STAT5A: variants seen among roughly 807,000 people sequenced by gnomAD.
The protein encoded by STAT5A is signal transducer and activator of transcription 5A.
Under a neutral mutation model 100.2 loss-of-function variants are expected in STAT5A, and 26 were observed. The observed-to-expected ratio is 0.26, with a 90% CI of 0.19 to 0.36. The LOEUF (loss-of-function observed/expected upper bound fraction) is 0.36. Ranked by LOEUF, STAT5A falls within the 10% of genes least tolerant of loss-of-function variation. The pLI is 1.00. For synonymous variants in STAT5A, 330 were observed against 424.3 expected, an observed-to-expected ratio of 0.78 and a Z score of 2.73; for missense variants, 634 against 1,027.5, an observed-to-expected ratio of 0.62 and a Z score of 5.24.
At chr17:42,307,759 GC>G in intron 15 of STAT5A, 36 bp downstream of exon 15, 2 of 1,604,468 alleles carry the variant, frequency 1.2e-6, no homozygotes, top group Non-Finnish European at 1.7e-6. Flanking sequence ...CAGCCCCAAG[GC>G]CCGGTCTCTT....
chr17:42,299,695 G>C lies in STAT5A; in HGVS notation c.551-56G>C, dbSNP rs1295693490. 8.1e-6 allele frequency: 13 copies of C among 1,613,136 alleles called. No individual in the cohort carries two copies. In the Admixed American group the frequency reaches 2.0e-4, roughly 25 times the overall value. ...CAGAACAGGTGAGTGGGCTTCTCTA[G>C]GCCTCCTGTTGGACACTAGGAGGTG... On this transcript the variant is annotated intron_variant, in intron 5 of 18. Coordinates refer to ENST00000590949, the MANE Select transcript of STAT5A (RefSeq NM_001288718.2).
At chr17:42,306,083 G>C in intron 12 of STAT5A, 158 bp from the exon 13 acceptor site, 15 of 1,319,724 alleles carry the variant, frequency 1.1e-5, no homozygotes, top group Non-Finnish European at 1.6e-5. Flanking sequence ...GTGCAAGCTA[G>C]TATATAAAAG....
At chr17:42,306,481 C>A in intron 13 of STAT5A, 34 bp downstream of exon 13, 1 of 1,585,826 alleles carries the variant, frequency 6.3e-7, no homozygotes, top group Non-Finnish European at 8.6e-7. Context: ...CCCACCAGGG[C>A]CCACCGGGGT....
In STAT5A at chr17:42,301,445, A is replaced by T. The variant is rs752308916; in HGVS notation, c.1160A>T (p.Asn387Ile). Residue 387 changes from asparagine (N) to isoleucine (I), a missense_variant, in exon 9 of 19, where the codon AAC (asparagine) becomes ATC (isoleucine). Physicochemically the swap from Asn to Ile is moderately radical, Grantham distance 149 (BLOSUM62 -3). Transcript: ENST00000590949. ...GCCAAGTCTCTGCTTAAAAATGAGAACACCCGCAAGTAATTGTGCCTCTCC... is the reference window on the plus strand; with the variant it reads ...GCCAAGTCTCTGCTTAAAAATGAGATCACCCGCAAGTAATTGTGCCTCTCC... ...QQAKSLLKNE[N>I]TRNECSGEIL... 2.6e-5 allele frequency: 42 copies of T among 1,613,870 alleles called. No individual in the cohort carries two copies. The South Asian group carries it at 4.5e-4, about 17-fold the overall frequency.
In STAT5A at chr17:42,304,323, A is replaced by AC. The variant is rs757567852; in HGVS notation, c.1170-13dup. 5.0e-6 allele frequency: 8 copies of AC among 1,611,954 alleles called. No homozygotes were observed. In the South Asian group the frequency reaches 5.5e-5, roughly 11 times the overall value. ...GGCCTGGGGCCCATGTGGAGCTGGG[A>AC]CCCCCCTCTCCTTTGCAGCGAGTGC... On this transcript the variant is annotated intron_variant, in intron 9 of 18. Transcript: ENST00000590949. The surrounding 1 kb of genome is among the most constrained non-coding windows in gnomAD (Gnocchi z 4.8).
At position 42,301,469 on chromosome 17, in the gene STAT5A, C is replaced by T; in HGVS notation, c.1169+15C>T. ...AACACCCGCAAGTAATTGTGCCTCT[C>T]CCTTCCCCTGCCCAAGCTTAGGTGT... On this transcript the variant is annotated intron_variant, in intron 9 of 18. Coordinates refer to ENST00000590949, the MANE Select transcript of STAT5A (RefSeq NM_001288718.2). 2 of 1,613,994 alleles carry T rather than the reference C, an allele frequency of 1.2e-6. No individual in the cohort carries two copies. Among genetic ancestry groups the T allele is most frequent in the Non-Finnish European group, 1.7e-6 (2 of 1,179,912 alleles).
At chr17:42,307,805 C>T in intron 15 of STAT5A, 82 bp downstream of exon 15, 3 of 1,564,826 alleles carry the variant, frequency 1.9e-6, no homozygotes, top group Non-Finnish European at 2.6e-6. Flanking sequence ...CTCCATCGGG[C>T]CTGTGTCCTT....
At position 42,309,459 on chromosome 17, in the gene STAT5A, G is replaced by C. The variant is rs756725119; in HGVS notation, c.2197G>C (p.Ala733Pro). 1.7e-5 allele frequency: 28 copies of C among 1,613,852 alleles called. No individual in the cohort carries two copies. Among genetic ancestry groups the C allele is most frequent in the Middle Eastern group, 3.3e-4 (2 of 6,020 alleles). The change falls in exon 18 of 19, where the codon GCT (alanine) becomes CCT (proline). Residue 733 changes from alanine (A) to proline (P), a missense_variant. Around this residue, in one of 5 missense-constraint regions of STAT5A, gnomAD observed 88 missense variants for 95.1 expected, o/e 0.92. Coordinates refer to ENST00000590949, the MANE Select transcript of STAT5A (RefSeq NM_001288718.2). ...QAPSPAVCPQAPYNMYPQNPD... is the reference protein window; with the variant it reads ...QAPSPAVCPQPPYNMYPQNPD... ...CCCCTCCCCAGCTGTGTGCCCCCAG[G>C]CTCCCTATAACATGTACCCACAGAA...
Position 42,310,492 on chromosome 17 carries a change from C to T in STAT5A, c.2223-15C>T. The T allele has an allele frequency of 6.2e-7, 1 of 1,613,990 alleles. No homozygotes were observed. The highest frequency in any genetic ancestry group is 1.7e-5 in the Admixed American group (1 of 60,004). ...GACATGCCAGCTCCCTCTGACATCCCCCTGTCTTTACCAGCCCTGACCATG... is the reference window on the plus strand; with the variant it reads ...GACATGCCAGCTCCCTCTGACATCCTCCTGTCTTTACCAGCCCTGACCATG... On this transcript the variant is annotated splice_polypyrimidine_tract_variant and intron_variant, in intron 18 of 18. Transcript: ENST00000590949.
chr17:42,300,679 C>A, intron 7 of STAT5A, 36 bp from the exon 8 acceptor site: 1 of 1,613,784 alleles, frequency 6.2e-7, no homozygotes, highest in Non-Finnish European at 8.5e-7. Flanking sequence ...GAGGAGAAGC[C>A]ATTGTCCTCC....
chr17:42,296,643 T>C (rs963795980), intron 5 of STAT5A, among the ~76,000 whole-genome samples: 1 of 152,186 alleles, frequency 6.6e-6, no homozygotes, highest in African/African-American at 2.4e-5. Flanking sequence ...TCTTTCTTTT[T>C]CTTTTCTTTT....
chr17:42,293,165 G>A (rs1367774164), intron 4 of STAT5A, among the ~76,000 whole-genome samples: 1 of 152,174 alleles, frequency 6.6e-6, no homozygotes, highest in Non-Finnish European at 1.5e-5. Flanking sequence ...ACAGTGACCG[G>A]AGCACAGGTC....
chr17:42,301,202 A>C, intron 8 of STAT5A, 73 bp from the exon 9 acceptor site: 5 of 1,561,280 alleles, frequency 3.2e-6, no homozygotes, highest in Admixed American at 1.8e-5. Flanking sequence ...CCCCACCCCC[A>C]CCACAGAGGG....
chr17:42,309,725 C>T (rs2081062484), intron 18 of STAT5A: 2 of 449,108 alleles, frequency 4.5e-6, no homozygotes, highest in African/African-American at 4.0e-5. Flanking sequence ...CTCAAGTTTC[C>T]TTATGTGTAA....
chr17:42,289,396 C>T lies in STAT5A; in HGVS notation c.-10-6C>T. On this transcript the variant is annotated splice_region_variant and splice_polypyrimidine_tract_variant and intron_variant, in intron 1 of 18. Coordinates refer to ENST00000590949, the MANE Select transcript of STAT5A (RefSeq NM_001288718.2). ...GGAGAGCGCTTCAGCGCTCGGCTCG[C>T]CCTAGGTGAACGGCCATGGCGGGCT... 1.2e-6 allele frequency: 2 copies of T among 1,603,818 alleles called. No homozygotes were observed. The highest frequency in any genetic ancestry group is 1.7e-6 in the Non-Finnish European group (2 of 1,175,478).
chr17:42,300,678 C>T (rs770509081), intron 7 of STAT5A, 37 bp from the exon 8 acceptor site: 2 of 1,613,768 alleles, frequency 1.2e-6, no homozygotes, highest in Admixed American at 3.3e-5. Flanking sequence ...TGAGGAGAAG[C>T]CATTGTCCTC....
rs369052965 is a variant in STAT5A, at chr17:42,309,072, A to G, written c.2088A>G (p.Lys696=). 2.5e-6 allele frequency: 4 copies of G among 1,614,042 alleles called. No individual in the cohort carries two copies. Among genetic ancestry groups the G allele is most frequent in the African/African-American group, 2.7e-5 (2 of 74,906 alleles). The stretch of plus-strand genomic sequence containing the variant: ...CTAAAGCTGTTGATGGATATGTGAA[A>G]CCACAGATCAAGCAAGTGGTCCCTG... The part of the protein sequence containing the change: ...VLAKAVDGYV[K]PQIKQVVPEF... Residue 696 remains lysine (K), a synonymous_variant, in exon 17 of 19, where the codon AAA becomes AAG. Transcript: ENST00000590949.
chr17:42,307,449 G>A lies in STAT5A; in HGVS notation c.1728G>A (p.Gly576=), dbSNP rs1374045114. The A allele has an allele frequency of 6.2e-7, 1 of 1,614,132 alleles. No homozygotes were observed. Residue 576 remains glycine (G), a synonymous_variant, in exon 14 of 19, where the codon GGG becomes GGA. Transcript: ENST00000590949. ...ACACCTTCTGGCAGTGGTTTGACGG[G>A]GTGATGGAGGTGTTGAAGAAGCACC... ...WNYTFWQWFD[G]VMEVLKKHHK...
intron 5 of STAT5A, 33 bp downstream of exon 5, chr17:42,295,826 G>C: frequency 6.2e-7 from 1 of 1,608,894 alleles, no homozygotes; most frequent in Non-Finnish European, 8.5e-7. Context: ...TGCATCCGGA[G>C]GGTGGGAGTG....
Sources: gnomAD v4.1 joint callset for allele counts (sites outside exome capture counted in the v4.1 genomes callset) on GRCh38, gnomAD v4.1.1 for gene constraint, gnomAD v4.1.1 regional missense constraint, Gnocchi (gnomAD v3.1) non-coding constraint, MANE v1.5 for transcripts, NCBI Gene and HGNC (gene_info 2026-07-23, HGNC 2026-07-21) for gene names.